TMTC2: variants seen among roughly 807,000 people sequenced by gnomAD.
TMTC2 encodes the protein transmembrane O-mannosyltransferase targeting cadherins 2.
TMTC2 carries 43 observed loss-of-function variants against 82.4 expected under a neutral mutation model. That is an observed-to-expected ratio of 0.52 (90% confidence interval 0.41 to 0.67). TMTC2 has a LOEUF of 0.67. TMTC2 is among the 30% of genes least tolerant of loss of function. TMTC2 has a pLI of 0.00. For missense variants in TMTC2, 919 were observed against 1,012.4 expected (o/e 0.91, Z 1.25); for synonymous variants, 408 against 381.9 (o/e 1.07, Z -0.80).
chr12:82,961,744 A>G (rs1413153155), intron 4 of TMTC2, among the ~76,000 whole-genome samples: 3 of 151,884 alleles, frequency 2.0e-5, no homozygotes. Context: ...GGGCTGGGTA[A>G]TGTTGGTCCT....
chr12:82,993,181 C>A (rs901249785), intron 8 of TMTC2, among the ~76,000 whole-genome samples: 38 of 152,192 alleles, frequency 2.5e-4, no homozygotes, highest in Admixed American at 5.9e-4. Flanking sequence ...GATGGGGTTT[C>A]ACCATATTGC....
chr12:83,106,563 A>C (rs11834049), intron 11 of TMTC2, among the ~76,000 whole-genome samples: 8,260 of 152,024 alleles, frequency 0.054, 327 homozygotes, highest in East Asian at 0.22. Flanking sequence ...AAGTTGAATA[A>C]ATACATAGAA....
rs1352919769 is a variant in TMTC2 at position 82,888,651 on chromosome 12, T to C, written c.655-7167T>C. Among the ~76,000 whole-genome samples the C allele has an allele frequency of 2.0e-5, 3 of 152,184 alleles. 1 individual carries two copies. The highest frequency in any genetic ancestry group is 4.4e-5 in the Non-Finnish European group (3 of 68,030). ...GGAGTTAGCATAATGGTATAAAATG[T>C]GTGAGAGAAAGATAGAAACTGACTT... is the stretch of plus-strand genomic sequence containing the variant. On this transcript the variant is annotated intron_variant, in intron 2 of 11. Coordinates refer to ENST00000321196, the MANE Select transcript of TMTC2 (RefSeq NM_152588.3).
intron 8 of TMTC2, among the ~76,000 whole-genome samples, chr12:83,011,806 G>A (rs1457603299): frequency 6.6e-6 from 1 of 152,096 alleles, no homozygotes; most frequent in Admixed American, 6.6e-5. Context: ...GCTTCTTATT[G>A]CATATGAATA....
At chr12:82,759,686 A>T (rs1405531922) in intron 1 of TMTC2, 1 of 152,228 alleles carries the variant, frequency 6.6e-6, no homozygotes, top group East Asian at 1.9e-4. Flanking sequence ...GTAAAAAGTT[A>T]AAAATGCTTG....
intron 1 of TMTC2, among the ~76,000 whole-genome samples, chr12:82,831,894 C>T (rs77668185): frequency 0.012 from 1,821 of 152,108 alleles, 40 homozygotes; most frequent in African/African-American, 0.042. Flanking sequence ...CAGGATCGTA[C>T]GAAGAACTTT....
chr12:83,083,523 C>T (rs1441701294), intron 11 of TMTC2, among the ~76,000 whole-genome samples: 1 of 152,106 alleles, frequency 6.6e-6, no homozygotes, highest in Non-Finnish European at 1.5e-5. Context: ...TATCTGCCTC[C>T]CCTCTCTAGA....
chr12:82,799,887 C>T (rs1878911909), intron 1 of TMTC2, among the ~76,000 whole-genome samples: 1 of 152,116 alleles, frequency 6.6e-6, no homozygotes, highest in Non-Finnish European at 1.5e-5. Flanking sequence ...AAAGCTTTCA[C>T]CATCACATGT....
chr12:83,047,558 G>A (rs1246123982), intron 9 of TMTC2, among the ~76,000 whole-genome samples: 1 of 152,070 alleles, frequency 6.6e-6, no homozygotes, highest in Non-Finnish European at 1.5e-5. Context: ...ACACTAATGT[G>A]GGACTATTGA....
intron 1 of TMTC2, among the ~76,000 whole-genome samples, chr12:82,851,524 G>A (rs73358290): frequency 0.058 from 8,820 of 152,256 alleles, 325 homozygotes; most frequent in East Asian, 0.094. Context: ...CAAGTATAGT[G>A]CTCTCTAGTT....
At chr12:82,918,714 TTCTCTCTC>T (rs61006862) in intron 3 of TMTC2, among the ~76,000 whole-genome samples, 8,537 of 148,414 alleles carry the variant, frequency 0.058, 315 homozygotes, top group Non-Finnish European at 0.08. Flanking sequence ...TTTTCTTTTC[TTCTCTCTC>T]TCTCTCTCTC....
chr12:83,065,306 A>G (rs1023678443), intron 11 of TMTC2, among the ~76,000 whole-genome samples: 3 of 151,946 alleles, frequency 2.0e-5, no homozygotes, highest in Admixed American at 2.0e-4. Flanking sequence ...TGAAATTGTT[A>G]AATGTATTTT....
chr12:82,785,847 A>C (rs746952528), intron 1 of TMTC2, among the ~76,000 whole-genome samples: 1 of 152,118 alleles, frequency 6.6e-6, no homozygotes, highest in Non-Finnish European at 1.5e-5. Context: ...ATTTCTGCAG[A>C]TATTTGTTAA....
chr12:82,766,537 A>G (rs1049321143), intron 1 of TMTC2, among the ~76,000 whole-genome samples: 1 of 152,186 alleles, frequency 6.6e-6, no homozygotes, highest in African/African-American at 2.4e-5. Context: ...TAGAGGAATC[A>G]CAATTAATAA....
At chr12:82,728,802 G>A (rs1874598596) in intron 1 of TMTC2, among the ~76,000 whole-genome samples, 1 of 152,224 alleles carries the variant, frequency 6.6e-6, no homozygotes, top group African/African-American at 2.4e-5. Flanking sequence ...GGGGCTGCAC[G>A]CAGTGCTTGC....
At chr12:83,058,417 G>C (rs766281906) in intron 10 of TMTC2, among the ~76,000 whole-genome samples, 32 of 151,856 alleles carry the variant, frequency 2.1e-4, no homozygotes, top group Non-Finnish European at 4.6e-4. Context: ...CACAAATACT[G>C]TGTGGACTTT....
chr12:82,904,065 T>A (rs1327869294), intron 3 of TMTC2, among the ~76,000 whole-genome samples: 1 of 152,186 alleles, frequency 6.6e-6, no homozygotes, highest in Non-Finnish European at 1.5e-5. Context: ...TTTCTGTTTA[T>A]AAGATGTTAA....
At position 82,894,822 on chromosome 12, in the gene TMTC2, C is replaced by T. The variant is rs566331913; in HGVS notation, c.655-996C>T. Among the ~76,000 whole-genome samples, 13 of 152,050 alleles carry T rather than the reference C, an allele frequency of 8.5e-5. No homozygotes were observed. In the East Asian group the frequency reaches 9.7e-4, roughly 11 times the overall value. ...ATTTTATTTTATTTTTTATTTGAGT[C>T]GGAGTCTCACTCTGTTGCCCAGGCT... is the stretch of plus-strand genomic sequence containing the variant. On this transcript the variant is annotated intron_variant, in intron 2 of 11. Coordinates refer to ENST00000321196, the MANE Select transcript of TMTC2 (RefSeq NM_152588.3).
chr12:82,983,327 T>G (rs1324219567), intron 7 of TMTC2, among the ~76,000 whole-genome samples: 1 of 152,070 alleles, frequency 6.6e-6, no homozygotes, highest in Non-Finnish European at 1.5e-5. Context: ...CATGATATAT[T>G]ACATTACTCA....
Sources: gnomAD v4.1 joint callset for allele counts (sites outside exome capture counted in the v4.1 genomes callset) on GRCh38, gnomAD v4.1.1 for gene constraint, MANE v1.5 for transcripts, NCBI Gene and HGNC (gene_info 2026-07-23, HGNC 2026-07-21) for gene names.